The following BRAF variants were observed in gnomAD, a reference collection of about 807,000 sequenced individuals.
The protein encoded by BRAF is serine/threonine-protein kinase B-raf.
Under a neutral mutation model 104.6 loss-of-function variants are expected in BRAF, and 16 were observed. The observed-to-expected ratio is 0.15, with a 90% confidence interval of 0.10 to 0.23. The LOEUF (loss-of-function observed/expected upper bound fraction) is 0.23. Among genes scored for constraint, BRAF ranks in the 10% least tolerant of loss-of-function variants. BRAF has a pLI of 1.00. For missense variants in BRAF, 541 were observed against 937.3 expected, an observed-to-expected ratio of 0.58 and a Z score of 5.52; for synonymous variants, 310 against 341.6, an observed-to-expected ratio of 0.91 and a Z score of 1.02.
chr7:140,766,111 T>TA (rs1799293072), intron 14 of BRAF, among the ~76,000 whole-genome samples: 1 of 152,082 alleles, frequency 6.6e-6, no homozygotes, highest in South Asian at 2.1e-4. Flanking sequence ...CATGCAGCCA[T>TA]AAAAAATGAT....
intron 1 of BRAF, among the ~76,000 whole-genome samples, chr7:140,868,454 C>A (rs1458804843): frequency 6.6e-6 from 1 of 151,990 alleles, no homozygotes; most frequent in Non-Finnish European, 1.5e-5. Flanking sequence ...GGAAACATTA[C>A]ACTAAGTAAA....
chr7:140,778,755 T>C (rs1465826494), intron 12 of BRAF, among the ~76,000 whole-genome samples: 3 of 151,672 alleles, frequency 2.0e-5, no homozygotes, highest in Non-Finnish European at 4.4e-5. Flanking sequence ...AAAAACTTTA[T>C]GTGAAACAGC....
intron 8 of BRAF, among the ~76,000 whole-genome samples, chr7:140,791,946 T>C (rs899378823): frequency 6.6e-6 from 1 of 152,234 alleles, no homozygotes; most frequent in African/African-American, 2.4e-5. Flanking sequence ...GGTATGTTTC[T>C]TAACCTCTGT....
chr7:140,878,477 C>A lies in BRAF; in HGVS notation c.139-28265G>T, dbSNP rs145787573. On this transcript the variant is annotated intron_variant, in intron 1 of 19. Coordinates refer to ENST00000644969, the MANE Select transcript of BRAF (RefSeq NM_001374258.1). ...ATATTCTCAAGAAAGTGAAAAAAAC[C>A]TACAGAATGCAAGAAAATAGCTGCA... Among the ~76,000 whole-genome samples the A allele has an allele frequency of 1.1e-3, 167 of 151,998 alleles. 1 individual carries two copies. The highest frequency in any genetic ancestry group is 3.9e-3 in the African/African-American group (162 of 41,474).
intron 19 of BRAF, among the ~76,000 whole-genome samples, chr7:140,728,648 T>C (rs1431218079): frequency 6.6e-6 from 1 of 152,118 alleles, no homozygotes; most frequent in African/African-American, 2.4e-5. Flanking sequence ...TCCAGAAATA[T>C]ACAAACATTC....
At chr7:140,904,430 A>G (rs1368690784) in intron 1 of BRAF, among the ~76,000 whole-genome samples, 1 of 151,522 alleles carries the variant, frequency 6.6e-6, no homozygotes, top group East Asian at 1.9e-4. Flanking sequence ...GGTGGTAGGT[A>G]TTTCTTTTTT....
chr7:140,752,178 TAAG>T (rs1173350861), intron 16 of BRAF, among the ~76,000 whole-genome samples: 1 of 152,216 alleles, frequency 6.6e-6, no homozygotes, highest in Non-Finnish European at 1.5e-5. Flanking sequence ...AAAAGTTTAG[TAAG>T]AAGAATAGTA....
chr7:140,831,489 A>G (rs192237358), intron 3 of BRAF, among the ~76,000 whole-genome samples: 8 of 152,366 alleles, frequency 5.3e-5, no homozygotes, highest in African/African-American at 1.9e-4. Context: ...AATTTTGTTT[A>G]GAAAACGACT....
intron 3 of BRAF, among the ~76,000 whole-genome samples, chr7:140,823,013 G>C (rs778716215): frequency 2.6e-5 from 4 of 152,004 alleles, no homozygotes; most frequent in Admixed American, 6.6e-5. Context: ...TTGTAGACAT[G>C]GGGTCTCACT....
At chr7:140,905,741 T>C (rs1182275004) in intron 1 of BRAF, among the ~76,000 whole-genome samples, 1 of 152,200 alleles carries the variant, frequency 6.6e-6, no homozygotes, top group Admixed American at 6.5e-5. Flanking sequence ...TGTTATCTTC[T>C]GTTGGTTGAG....
intron 1 of BRAF, among the ~76,000 whole-genome samples, chr7:140,898,484 C>G (rs574352947): frequency 6.6e-6 from 1 of 151,814 alleles, no homozygotes; most frequent in Non-Finnish European, 1.5e-5. Flanking sequence ...AAGAAAAAAC[C>G]CAAAGGCTAA....
chr7:140,740,731 C>A (rs1796851994), intron 17 of BRAF: 2 of 152,222 alleles, frequency 1.3e-5, no homozygotes, highest in South Asian at 4.1e-4. Flanking sequence ...TGCTACAGGG[C>A]AGAGCTGATG....
chr7:140,753,879 G>C (rs1263302377), intron 15 of BRAF: 1 of 429,116 alleles, frequency 2.3e-6, no homozygotes, highest in Non-Finnish European at 4.3e-6. Flanking sequence ...TCAGAGGTCT[G>C]AAAGGGACTA....
rs193260513 is a variant in BRAF, at chr7:140,850,303, C to T, written c.139-91G>A. On this transcript the variant is annotated intron_variant, in intron 1 of 19. Coordinates refer to ENST00000644969, the MANE Select transcript of BRAF (RefSeq NM_001374258.1). The stretch of plus-strand genomic sequence containing the variant: ...ATAGACAACTACATCACAGTAACTG[C>T]CAGTGTTCCTCAAATTTTGAGCTTA... 10 of 973,860 alleles carry T rather than the reference C, an allele frequency of 1.0e-5. No individual in the cohort carries two copies. The African/African-American group carries it at 1.6e-4, about 16-fold the overall frequency. 60.3% of individuals were successfully genotyped at this position (973,860 alleles called of 1,614,324 possible). A position where few individuals can be genotyped will look rare whatever the true frequency, so the allele number is the denominator to read the frequency against.
At chr7:140,921,686 CTGA>C (rs1208751088) in intron 1 of BRAF, among the ~76,000 whole-genome samples, 21 of 151,788 alleles carry the variant, frequency 1.4e-4, no homozygotes, top group Non-Finnish European at 2.5e-4. Context: ...GGCAAAATTA[CTGA>C]TGATTTTTTA....
intron 16 of BRAF, among the ~76,000 whole-genome samples, chr7:140,751,948 G>A (rs1797824767): frequency 6.6e-6 from 1 of 152,174 alleles, no homozygotes; most frequent in South Asian, 2.1e-4. Context: ...TCAGCTTAGA[G>A]CTGTGTTTTT....
Position 140,721,976 on chromosome 7 carries a change from A to G in BRAF, c.*4518T>C. 8.3e-7 allele frequency: 1 copy of G among 1,211,182 alleles called. No individual in the cohort carries two copies. The highest frequency in any genetic ancestry group is 1.0e-6 in the Non-Finnish European group (1 of 975,166). 75.0% of individuals were successfully genotyped at this position (1,211,182 alleles called of 1,614,324 possible). A position where few individuals can be genotyped will look rare whatever the true frequency, so the allele number is the denominator to read the frequency against. On this transcript the variant is annotated 3_prime_UTR_variant, in exon 20 of 20. Coordinates refer to ENST00000644969, the MANE Select transcript of BRAF (RefSeq NM_001374258.1). Reference sequence around the variant, plus strand: ...CAGCAGTACTCTGGAAACTGATAAAACCAAATTCGGTCCTATATTTCAATT... The same window carrying G: ...CAGCAGTACTCTGGAAACTGATAAAGCCAAATTCGGTCCTATATTTCAATT...
At chr7:140,811,240 C>CAAGGAAAAAGATATGACCACGAGGTGGCA (rs1804229345) in intron 3 of BRAF, among the ~76,000 whole-genome samples, 1 of 152,092 alleles carries the variant, frequency 6.6e-6, no homozygotes, top group Non-Finnish European at 1.5e-5. Context: ...GGGGTCTGAT[C>CAAGGAAAAAGATATGACCACGAGGTGGCA]AAGGAAAAAG....
intron 18 of BRAF, among the ~76,000 whole-genome samples, chr7:140,735,767 A>G (rs1351710971): frequency 6.6e-6 from 1 of 152,102 alleles, no homozygotes; most frequent in Non-Finnish European, 1.5e-5. Flanking sequence ...CACGTTGGCC[A>G]GGCTGGTCTC....
Sources: allele counts gnomAD v4.1 joint callset (sites outside exome capture counted in the v4.1 genomes callset), GRCh38; gene constraint gnomAD v4.1.1; transcripts MANE v1.5; gene names NCBI Gene and HGNC (gene_info 2026-07-23, HGNC 2026-07-21).